The following TANC2 variants were observed in gnomAD, a reference collection of about 807,000 sequenced individuals.
The protein encoded by TANC2 is protein TANC2.
TANC2 carries 26 observed loss-of-function variants against 210.5 expected under a neutral mutation model. The observed-to-expected ratio is 0.12, with a 90% confidence interval of 0.09 to 0.17. TANC2 has a LOEUF of 0.17. TANC2 is among the 10% of genes least tolerant of loss of function. The pLI is 1.00. For missense variants in TANC2, 2,129 were observed against 2,608.9 expected (o/e 0.82, Z 4.01); for synonymous variants, 931 against 967.1 (o/e 0.96, Z 0.69).
intron 9 of TANC2, among the ~76,000 whole-genome samples, chr17:63,270,500 G>A (rs1222736618): frequency 2.0e-5 from 3 of 152,006 alleles, no homozygotes; most frequent in Non-Finnish European, 4.4e-5. Flanking sequence ...TCATATTTCA[G>A]TTTGACATAT....
At chr17:63,384,239 AT>A (rs2047704998) in intron 15 of TANC2, among the ~76,000 whole-genome samples, 1 of 151,830 alleles carries the variant, frequency 6.6e-6, no homozygotes, top group Non-Finnish European at 1.5e-5. Flanking sequence ...CTGGCTAATT[AT>A]TTTTATTTTT....
intron 5 of TANC2, among the ~76,000 whole-genome samples, chr17:63,192,536 G>T (rs959822898): frequency 6.6e-6 from 1 of 152,170 alleles, no homozygotes; most frequent in African/African-American, 2.4e-5. Context: ...CTCACCATTT[G>T]TAATATTTCT....
intron 14 of TANC2, among the ~76,000 whole-genome samples, chr17:63,377,337 A>G (rs1164849282): frequency 6.6e-6 from 1 of 152,102 alleles, no homozygotes; most frequent in African/African-American, 2.4e-5. Flanking sequence ...TCAGGCTGCA[A>G]ATTTTTCAAA....
rs549521112 is a variant in TANC2, at chr17:63,269,166, G to A, written c.1159+1293G>A. ...AAACAGGATTTTAAAATAATTGATTGTATTGCAACAATTACCATACCTCCC... is the reference window on the plus strand; with the variant it reads ...AAACAGGATTTTAAAATAATTGATTATATTGCAACAATTACCATACCTCCC... On this transcript the variant is annotated intron_variant, in intron 9 of 27. Transcript: ENST00000689528. 2.6e-5 allele frequency among the ~76,000 whole-genome samples: 4 copies of A among 152,154 alleles called. No individual in the cohort carries two copies. The South Asian group carries it at 6.2e-4, about 24-fold the overall frequency.
At chr17:63,099,101 C>A in intron 3 of TANC2, 74 bp from the exon 4 acceptor site, 2 of 1,392,912 alleles carry the variant, frequency 1.4e-6, no homozygotes, top group Non-Finnish European at 2.0e-6. Flanking sequence ...TCTGGATTAT[C>A]CTATAAGATG....
chr17:63,399,583 A>G (rs1228628479), intron 19 of TANC2, among the ~76,000 whole-genome samples: 1 of 152,242 alleles, frequency 6.6e-6, no homozygotes, highest in Non-Finnish European at 1.5e-5. Context: ...CTGGAGAAAC[A>G]TTAGTAACCT....
intron 13 of TANC2, 142 bp from the exon 14 acceptor site, chr17:63,354,640 CT>C: frequency 1.9e-6 from 2 of 1,050,768 alleles, no homozygotes. Flanking sequence ...ATTTGTTTTA[CT>C]TTTTGGATAC....
chr17:63,141,077 T>C (rs751623753), intron 4 of TANC2, among the ~76,000 whole-genome samples: 1 of 152,070 alleles, frequency 6.6e-6, no homozygotes, highest in Non-Finnish European at 1.5e-5. Flanking sequence ...TGAAATATTA[T>C]AATATTTGAA....
chr17:63,116,941 T>C (rs1374191806), intron 4 of TANC2: 1 of 152,200 alleles, frequency 6.6e-6, no homozygotes, highest in Admixed American at 6.5e-5. Context: ...AGTAACTGTT[T>C]TACAGCGTAT....
chr17:63,299,882 C>T (rs543496921), intron 9 of TANC2, among the ~76,000 whole-genome samples: 1 of 152,154 alleles, frequency 6.6e-6, no homozygotes, highest in Non-Finnish European at 1.5e-5. Flanking sequence ...AATGGTATTG[C>T]CTAAATTTTC....
intron 5 of TANC2, among the ~76,000 whole-genome samples, chr17:63,162,685 G>C (rs1019597698): frequency 6.6e-6 from 1 of 152,134 alleles, no homozygotes; most frequent in Non-Finnish European, 1.5e-5. Context: ...TAAGTAGGTA[G>C]ATATGGTGAC....
chr17:63,143,442 T>C (rs2039357472), intron 4 of TANC2, among the ~76,000 whole-genome samples: 1 of 152,242 alleles, frequency 6.6e-6, no homozygotes, highest in South Asian at 2.1e-4. Context: ...CTAGAGCTTT[T>C]AGCAATATTT....
chr17:63,053,864 A>G (rs749535099), intron 2 of TANC2, among the ~76,000 whole-genome samples: 20 of 152,154 alleles, frequency 1.3e-4, no homozygotes, highest in Non-Finnish European at 1.9e-4. Flanking sequence ...TCTTTGCCAT[A>G]TCTTCAGAAT....
chr17:63,104,471 A>G (rs2037748041), intron 4 of TANC2, among the ~76,000 whole-genome samples: 1 of 152,202 alleles, frequency 6.6e-6, no homozygotes, highest in Non-Finnish European at 1.5e-5. Context: ...CAATTTGACA[A>G]TATGTATCAA....
At chr17:63,220,189 G>A (rs1319663739) in intron 7 of TANC2, among the ~76,000 whole-genome samples, 1 of 151,832 alleles carries the variant, frequency 6.6e-6, no homozygotes, top group Non-Finnish European at 1.5e-5. Flanking sequence ...CAGCTACTCA[G>A]GAGGCTGAGG....
At chr17:63,293,987 C>G (rs1379331383) in intron 9 of TANC2, among the ~76,000 whole-genome samples, 1 of 152,122 alleles carries the variant, frequency 6.6e-6, no homozygotes, top group Non-Finnish European at 1.5e-5. Context: ...CCTTAGCCTC[C>G]TAGAGTGCTG....
chr17:63,259,201 C>T (rs2043287388), intron 8 of TANC2, among the ~76,000 whole-genome samples: 1 of 152,148 alleles, frequency 6.6e-6, no homozygotes, highest in African/African-American at 2.4e-5. Context: ...TATCCAAGTT[C>T]CAAGACAAAG....
intron 14 of TANC2, among the ~76,000 whole-genome samples, chr17:63,370,268 T>C (rs1238467750): frequency 6.7e-6 from 1 of 150,214 alleles, no homozygotes; most frequent in Non-Finnish European, 1.5e-5. Flanking sequence ...AACTTCCGCC[T>C]CCCGGGGTCA....
intron 2 of TANC2, among the ~76,000 whole-genome samples, chr17:63,021,169 C>T (rs544317037): frequency 5.9e-5 from 9 of 152,084 alleles, no homozygotes; most frequent in African/African-American, 1.7e-4. Context: ...ATTTTTATTG[C>T]GCTCTGAATA....
Sources: allele counts gnomAD v4.1 joint callset (sites outside exome capture counted in the v4.1 genomes callset), GRCh38; gene constraint gnomAD v4.1.1; transcripts MANE v1.5; gene names NCBI Gene and HGNC (gene_info 2026-07-23, HGNC 2026-07-21).